Variants in ZHX2 observed in about 807,000 individuals in gnomAD.
ZHX2 encodes the protein zinc fingers and homeoboxes 2, also known as zinc fingers and homeoboxes protein 2.
A neutral mutation model predicts 21.9 loss-of-function variants in ZHX2; 6 were observed. The observed-to-expected ratio is 0.27, with a 90% CI of 0.15 to 0.54. The LOEUF (loss-of-function observed/expected upper bound fraction) is 0.54. ZHX2 is among the 20% of genes least tolerant of loss of function. The pLI is 0.95. For missense variants in ZHX2, 908 were observed against 1,090.7 expected (o/e 0.83, Z 2.36); for synonymous variants, 434 against 437.1 (o/e 0.99, Z 0.09).
chr8:122,873,332 G>A (rs945201396), intron 2 of ZHX2, among the ~76,000 whole-genome samples: 1 of 152,174 alleles, frequency 6.6e-6, no homozygotes, highest in African/African-American at 2.4e-5. Flanking sequence ...TATTCCACAT[G>A]CGGGTCCCCC....
intron 1 of ZHX2, among the ~76,000 whole-genome samples, chr8:122,801,216 A>G (rs16897457): frequency 0.017 from 2,527 of 152,188 alleles, 62 homozygotes; most frequent in African/African-American, 0.058. Flanking sequence ...CTAATTACCT[A>G]CTTCATTATA....
chr8:122,788,961 A>G (rs1586571575), intron 1 of ZHX2, among the ~76,000 whole-genome samples: 2 of 152,326 alleles, frequency 1.3e-5, no homozygotes, highest in South Asian at 4.1e-4. Flanking sequence ...TAAAGCCTCT[A>G]TCAGTGTCTC....
chr8:122,788,927 C>T (rs1213434566), intron 1 of ZHX2, among the ~76,000 whole-genome samples: 1 of 152,216 alleles, frequency 6.6e-6, no homozygotes, highest in African/African-American at 2.4e-5. Context: ...CCCCAAACCA[C>T]CCCTCCTCAA....
At chr8:122,868,632 C>T (rs1440080693) in intron 2 of ZHX2, among the ~76,000 whole-genome samples, 5 of 144,950 alleles carry the variant, frequency 3.4e-5, no homozygotes, top group East Asian at 2.1e-4. Flanking sequence ...ACCCGGGAGG[C>T]GGAGCTTACA....
At chr8:122,876,776 A>C (rs887413677) in intron 2 of ZHX2, among the ~76,000 whole-genome samples, 2 of 152,202 alleles carry the variant, frequency 1.3e-5, no homozygotes, top group Admixed American at 1.3e-4. Flanking sequence ...TTGGATTGTA[A>C]GACTGAGTGT....
At chr8:122,803,362 T>C (rs1207913652) in intron 1 of ZHX2, among the ~76,000 whole-genome samples, 2 of 152,176 alleles carry the variant, frequency 1.3e-5, no homozygotes, top group Admixed American at 6.5e-5. Context: ...GTGGAGGCCA[T>C]GTCTTGCCTC....
chr8:122,956,524 C>A (rs1813308187), intron 3 of ZHX2, among the ~76,000 whole-genome samples: 1 of 151,992 alleles, frequency 6.6e-6, no homozygotes, highest in Non-Finnish European at 1.5e-5. Flanking sequence ...AAGGAGTTAG[C>A]CAAGTGCACA....
Position 122,952,128 on chromosome 8 carries a change from C to A in ZHX2, c.618C>A (p.Ile206=). The A allele has an allele frequency of 1.9e-6, 3 of 1,613,732 alleles. No individual in the cohort carries two copies. Among genetic ancestry groups the A allele is most frequent in the Admixed American group, 3.3e-5 (2 of 59,992 alleles). The change falls in exon 3 of 4, where the codon ATC becomes ATA. Residue 206 remains isoleucine (I), a synonymous_variant. Coordinates refer to ENST00000314393, the MANE Select transcript of ZHX2 (RefSeq NM_014943.5). This position sits in a 1 kb window ranked among gnomAD's most constrained non-coding sequence, Gnocchi z 6.9. ...AGGTGCCCAAGAAGCCCGAGGAGAT[C>A]ACCCCCGAGAACCACGTGGAAGGGA... ...AKKVPKKPEE[I]TPENHVEGTA...
At chr8:122,914,312 T>C (rs889229528) in intron 2 of ZHX2, among the ~76,000 whole-genome samples, 1 of 152,178 alleles carries the variant, frequency 6.6e-6, no homozygotes, top group African/African-American at 2.4e-5. Flanking sequence ...AGAGAAGCAC[T>C]GAAGGCACTT....
At chr8:122,903,349 G>A (rs1397605914) in intron 2 of ZHX2, among the ~76,000 whole-genome samples, 1 of 152,166 alleles carries the variant, frequency 6.6e-6, no homozygotes. Flanking sequence ...CCTGTATGCT[G>A]TGAGACAAAG....
chr8:122,909,199 G>C (rs956515985), intron 2 of ZHX2, among the ~76,000 whole-genome samples: 26 of 152,120 alleles, frequency 1.7e-4, no homozygotes, highest in African/African-American at 6.0e-4. Flanking sequence ...GGGAGATCGA[G>C]GTGGGTGGAT....
intron 1 of ZHX2, among the ~76,000 whole-genome samples, chr8:122,861,475 G>T (rs1006909508): frequency 1.3e-4 from 20 of 152,290 alleles, no homozygotes; most frequent in South Asian, 2.1e-4. Flanking sequence ...AAAAGTACTG[G>T]TCATGCACCC....
intron 1 of ZHX2, among the ~76,000 whole-genome samples, chr8:122,810,940 A>G (rs1817915745): frequency 6.6e-6 from 1 of 152,184 alleles, no homozygotes; most frequent in Non-Finnish European, 1.5e-5. Context: ...GACAACCTGG[A>G]CCCAGGGTAC....
At chr8:122,859,795 T>A (rs1306881628) in intron 1 of ZHX2, among the ~76,000 whole-genome samples, 1 of 152,246 alleles carries the variant, frequency 6.6e-6, no homozygotes, top group African/African-American at 2.4e-5. Flanking sequence ...CATGAGTTTC[T>A]TAATGGTAGG....
intron 3 of ZHX2, among the ~76,000 whole-genome samples, chr8:122,960,751 C>T (rs1389881717): frequency 6.6e-6 from 1 of 152,108 alleles, no homozygotes; most frequent in East Asian, 1.9e-4. Context: ...GGTTAAAAGC[C>T]AGAGCGTTAG....
At chr8:122,839,932 G>GTC (rs1411453855) in intron 1 of ZHX2, among the ~76,000 whole-genome samples, 2 of 152,174 alleles carry the variant, frequency 1.3e-5, no homozygotes, top group Non-Finnish European at 2.9e-5. Flanking sequence ...GAGTGGAGAG[G>GTC]TCACTGCCTG....
intron 1 of ZHX2, among the ~76,000 whole-genome samples, chr8:122,856,513 A>T (rs1035513241): frequency 1.3e-5 from 2 of 152,082 alleles, no homozygotes; most frequent in Admixed American, 6.6e-5. Context: ...CAGTTCACTC[A>T]TATCTCTTCT....
chr8:122,890,810 A>C (rs954483563), intron 2 of ZHX2, among the ~76,000 whole-genome samples: 16 of 152,138 alleles, frequency 1.1e-4, no homozygotes, highest in African/African-American at 3.9e-4. Context: ...TTGATTTTGC[A>C]TCCTTCAACT....
intron 1 of ZHX2, among the ~76,000 whole-genome samples, chr8:122,798,564 C>T (rs1200525896): frequency 6.6e-6 from 1 of 151,824 alleles, no homozygotes; most frequent in Non-Finnish European, 1.5e-5. Context: ...AGGGTGAGGC[C>T]GACAGATCAC....
Sources: allele counts gnomAD v4.1 joint callset (sites outside exome capture counted in the v4.1 genomes callset), GRCh38; gene constraint gnomAD v4.1.1; non-coding constraint Gnocchi (gnomAD v3.1); transcripts MANE v1.5; gene names NCBI Gene and HGNC (gene_info 2026-07-23, HGNC 2026-07-21).